The following TMEM268 variants were observed in gnomAD, a reference collection of about 807,000 sequenced individuals.
TMEM268 encodes the protein transmembrane protein C9orf91.
A neutral mutation model predicts 39.1 loss-of-function variants in TMEM268; 24 were observed. That is an observed-to-expected ratio of 0.61 (90% CI 0.44 to 0.86). TMEM268 has a LOEUF of 0.86. Ranked by LOEUF, TMEM268 falls within the 40% of genes least tolerant of loss-of-function variation. The pLI is 0.00. For missense variants in TMEM268, 409 were observed against 428.6 expected (o/e 0.95, Z 0.40); for synonymous variants, 176 against 173.5 (o/e 1.01, Z -0.12).
chr9:114,605,651 T>A, the TMEM268 span, among the ~76,000 whole-genome samples: 4 of 152,262 alleles, frequency 2.6e-5, no homozygotes, highest in Admixed American at 6.5e-5. Flanking sequence ...CCGGGTGCAG[T>A]GGCTGACACC....
intron 1 of TMEM268, among the ~76,000 whole-genome samples, chr9:114,613,920 G>A (rs1264305622): frequency 6.6e-6 from 1 of 152,140 alleles, no homozygotes; most frequent in East Asian, 1.9e-4. Context: ...CCAACCTTGG[G>A]CAAGTCACTT....
the TMEM268 span, among the ~76,000 whole-genome samples, chr9:114,606,102 G>A: frequency 6.6e-6 from 1 of 152,004 alleles, no homozygotes; most frequent in African/African-American, 2.4e-5. Flanking sequence ...CGATAGTCTA[G>A]TTACCTAGTT....
rs978253376 is a variant in TMEM268, at chr9:114,612,299, T to C, written c.-79+735T>C. ...CTCTACGGGCTGAAAAAGAGGGGAG[T>C]TGACCTTGTGCAAGATGGATATCTG... On this transcript the variant is annotated intron_variant, in intron 1 of 8. Coordinates refer to ENST00000288502, the MANE Select transcript of TMEM268 (RefSeq NM_153045.4). 3.3e-5 allele frequency among the ~76,000 whole-genome samples: 5 copies of C among 151,632 alleles called. No individual in the cohort carries two copies. In the East Asian group the frequency reaches 7.8e-4, roughly 24 times the overall value.
At chr9:114,604,296 A>C in the TMEM268 span, among the ~76,000 whole-genome samples, 20 of 152,150 alleles carry the variant, frequency 1.3e-4, no homozygotes, top group Admixed American at 9.8e-4. Flanking sequence ...CCCTGATAAA[A>C]GGCATAAAAT....
At position 114,629,788 on chromosome 9, in the gene TMEM268, G is replaced by T. The variant is rs150978070; in HGVS notation, c.474+1538G>T. Among the ~76,000 whole-genome samples the T allele has an allele frequency of 5.7e-4, 87 of 152,306 alleles. No individual in the cohort carries two copies. The Middle Eastern group carries it at 0.017, about 30-fold the overall frequency. On this transcript the variant is annotated intron_variant, in intron 5 of 8. Transcript: ENST00000288502. ...TGGGAAATGTAAATCAGCATTTGGGGTGTGAATTCCACTTAGTGCGTGTGT... is the reference window on the plus strand; with the variant it reads ...TGGGAAATGTAAATCAGCATTTGGGTTGTGAATTCCACTTAGTGCGTGTGT...
the TMEM268 span, among the ~76,000 whole-genome samples, chr9:114,604,404 CCT>C: frequency 1.3e-5 from 2 of 151,708 alleles, no homozygotes; most frequent in Non-Finnish European, 1.5e-5. Context: ...ATAGCGAAAC[CCT>C]GTCTCTACTG....
chr9:114,621,153 C>T (rs1037180765), intron 2 of TMEM268, among the ~76,000 whole-genome samples: 1 of 151,572 alleles, frequency 6.6e-6, no homozygotes, highest in African/African-American at 2.4e-5. Flanking sequence ...GGCTGGGCAA[C>T]ATAGTGACCT....
intron 5 of TMEM268, 47 bp from the exon 6 acceptor site, chr9:114,633,721 C>G: frequency 9.3e-7 from 1 of 1,078,416 alleles, no homozygotes; most frequent in Non-Finnish European, 1.4e-6. Flanking sequence ...CTGGGAGCTC[C>G]CCAGTAGCAT....
At chr9:114,608,866 G>C (rs1295967637), upstream of TMEM268, among the ~76,000 whole-genome samples, 1 of 152,134 alleles carries the variant, frequency 6.6e-6, no homozygotes, top group Admixed American at 6.6e-5. Flanking sequence ...TTGTGAATGA[G>C]GGTGCCTGGG....
upstream of TMEM268, among the ~76,000 whole-genome samples, chr9:114,608,123 C>T (rs1220710254): frequency 6.6e-6 from 1 of 152,180 alleles, no homozygotes; most frequent in Non-Finnish European, 1.5e-5. Flanking sequence ...ATTGTCCTTT[C>T]TCCATTCTAC....
At chr9:114,637,450 A>G (rs1468161344) in intron 7 of TMEM268, among the ~76,000 whole-genome samples, 1 of 151,456 alleles carries the variant, frequency 6.6e-6, no homozygotes, top group African/African-American at 2.4e-5. Flanking sequence ...CTGCCATCAC[A>G]CCTGGCTAAT....
Position 114,646,321 on chromosome 9 carries a change from G to A in TMEM268, c.*3008G>A, listed in dbSNP as rs150678083. The stretch of plus-strand genomic sequence containing the variant: ...AGGATGGGAATAAGAGCATGTACCT[G>A]GCAGGTTGTTGTAAGGATTAAATGG... On this transcript the variant is annotated 3_prime_UTR_variant, in exon 9 of 9. Transcript: ENST00000288502. 52 of 152,322 alleles carry A rather than the reference G, an allele frequency of 3.4e-4. No individual in the cohort carries two copies. Among genetic ancestry groups the A allele is most frequent in the African/African-American group, 1.2e-3 (51 of 41,564 alleles). The allele number at this position is 152,322 out of a possible 1,614,324, so 9.4% of individuals were successfully genotyped here. A position where few individuals can be genotyped will look rare whatever the true frequency, so the allele number is the denominator to read the frequency against.
chr9:114,631,597 T>A (rs939194924), intron 5 of TMEM268, among the ~76,000 whole-genome samples: 1 of 152,180 alleles, frequency 6.6e-6, no homozygotes, highest in Non-Finnish European at 1.5e-5. Context: ...GTTTAGTAAT[T>A]TGCCCAAGGT....
chr9:114,609,360 G>A (rs1034497258), upstream of TMEM268, among the ~76,000 whole-genome samples: 3 of 150,958 alleles, frequency 2.0e-5, no homozygotes, highest in East Asian at 5.9e-4. Flanking sequence ...TGTACATTCT[G>A]ACTCAGCACA....
chr9:114,622,417 A>C, intron 2 of TMEM268: 1 of 985,280 alleles, frequency 1.0e-6, no homozygotes, highest in East Asian at 1.1e-4. Context: ...CTGGCTGCTG[A>C]CCAGTGGCTC....
intron 6 of TMEM268, among the ~76,000 whole-genome samples, chr9:114,634,573 C>T (rs982168304): frequency 2.6e-5 from 4 of 152,170 alleles, no homozygotes; most frequent in Admixed American, 2.6e-4. Context: ...TCCTGTTCCT[C>T]CATCCATGCC....
At chr9:114,610,953 G>A (rs1461103509), upstream of TMEM268, among the ~76,000 whole-genome samples, 2 of 152,202 alleles carry the variant, frequency 1.3e-5, no homozygotes, top group Non-Finnish European at 2.9e-5. Flanking sequence ...CAGGTGCGGT[G>A]GCTCACGCCT....
Position 114,643,295 on chromosome 9 carries a change from C to T in TMEM268, c.1011C>T (p.Cys337=). 3 of 1,614,122 alleles carry T rather than the reference C, an allele frequency of 1.9e-6. No individual in the cohort carries two copies. The highest frequency in any genetic ancestry group is 2.5e-6 in the Non-Finnish European group (3 of 1,179,994). Residue 337 remains cysteine (C), a synonymous_variant, in exon 9 of 9, where the codon TGC becomes TGT. Coordinates refer to ENST00000288502, the MANE Select transcript of TMEM268 (RefSeq NM_153045.4). ...CCTACATCCTAGGCACAGGGTGCTG[C>T]CCGTTCCTGGCGAGGTGACCTAGGG... ...IEAYILGTGC[C]PFLAR
chr9:114,625,371 T>G (rs1846112839), intron 3 of TMEM268, among the ~76,000 whole-genome samples: 1 of 152,058 alleles, frequency 6.6e-6, no homozygotes, highest in Non-Finnish European at 1.5e-5. Flanking sequence ...CAAGGAGGAT[T>G]AAGGATTAAT....
Sources: allele counts gnomAD v4.1 joint callset (sites outside exome capture counted in the v4.1 genomes callset), GRCh38; gene constraint gnomAD v4.1.1; transcripts MANE v1.5; gene names NCBI Gene and HGNC (gene_info 2026-07-23, HGNC 2026-07-21).